Variants in CNTNAP2 observed in about 807,000 individuals in gnomAD.
CNTNAP2 encodes the protein contactin-associated protein-like 2.
Under a neutral mutation model 155.2 loss-of-function variants are expected in CNTNAP2, and 98 were observed. The observed-to-expected ratio is 0.63, with a 90% confidence interval of 0.54 to 0.75. CNTNAP2 has a LOEUF of 0.75. Ranked by LOEUF, CNTNAP2 falls within the 30% of genes least tolerant of loss-of-function variation. The pLI, the probability that CNTNAP2 is intolerant of heterozygous loss-of-function variation, is 0.00. For missense variants in CNTNAP2, 1,727 were observed against 1,688.1 expected (o/e 1.02, Z -0.40); for synonymous variants, 651 against 631.2 (o/e 1.03, Z -0.47).
intron 11 of CNTNAP2, among the ~76,000 whole-genome samples, chr7:147,512,570 G>A (rs544501949): frequency 1.3e-5 from 2 of 152,062 alleles, no homozygotes; most frequent in Non-Finnish European, 2.9e-5. Context: ...ATTGCAAAGA[G>A]ATTTTTAAAA....
chr7:146,578,653 C>T (rs1446590081), intron 1 of CNTNAP2, among the ~76,000 whole-genome samples: 1 of 151,968 alleles, frequency 6.6e-6, no homozygotes, highest in Non-Finnish European at 1.5e-5. Context: ...AAATATCTCC[C>T]AAACTTCATT....
chr7:147,045,729 G>A (rs1399470834), intron 4 of CNTNAP2, among the ~76,000 whole-genome samples: 2 of 152,078 alleles, frequency 1.3e-5, no homozygotes, highest in Non-Finnish European at 2.9e-5. Context: ...ATGACGGGAA[G>A]GCCAGAAGAA....
At chr7:147,032,739 G>A (rs1190498158) in intron 3 of CNTNAP2, among the ~76,000 whole-genome samples, 3 of 152,034 alleles carry the variant, frequency 2.0e-5, no homozygotes, top group African/African-American at 7.2e-5. Context: ...AAAAAGGAAG[G>A]AAGTTGGAGA....
intron 1 of CNTNAP2, among the ~76,000 whole-genome samples, chr7:146,615,557 T>G (rs183769418): frequency 3.9e-5 from 6 of 152,334 alleles, no homozygotes; most frequent in African/African-American, 9.6e-5. Context: ...TGTTGGTGAC[T>G]CACCCATATC....
At chr7:147,384,363 A>T (rs1010679509) in intron 9 of CNTNAP2, among the ~76,000 whole-genome samples, 4 of 152,276 alleles carry the variant, frequency 2.6e-5, no homozygotes, top group Middle Eastern at 3.4e-3. Flanking sequence ...CAGAAGAGGG[A>T]TGCTCTAAGT....
chr7:146,904,368 C>T (rs945650593), intron 3 of CNTNAP2, among the ~76,000 whole-genome samples: 4 of 152,136 alleles, frequency 2.6e-5, no homozygotes, highest in East Asian at 1.9e-4. Context: ...AATCTCGCCA[C>T]GAAATGTGGC....
At chr7:148,119,946 T>TGGATAA (rs1804565293) in intron 16 of CNTNAP2, among the ~76,000 whole-genome samples, 1 of 151,920 alleles carries the variant, frequency 6.6e-6, no homozygotes, top group Admixed American at 6.6e-5. Flanking sequence ...CCCCCTTTAC[T>TGGATAA]GAATTCTGGA....
At chr7:147,077,804 A>C (rs1548743) in intron 4 of CNTNAP2, among the ~76,000 whole-genome samples, 82,479 of 151,998 alleles carry the variant, frequency 0.54, 25,877 homozygotes, top group East Asian at 0.75. Flanking sequence ...GGATTGCATC[A>C]GGTAACTTTG....
chr7:146,636,174 A>T (rs1284812841), intron 1 of CNTNAP2, among the ~76,000 whole-genome samples: 1 of 151,508 alleles, frequency 6.6e-6, no homozygotes, highest in Non-Finnish European at 1.5e-5. Context: ...AGCGGTGCCC[A>T]CAGGAATTCT....
intron 1 of CNTNAP2, among the ~76,000 whole-genome samples, chr7:146,459,333 C>T (rs891512106): frequency 2.0e-5 from 3 of 152,140 alleles, no homozygotes; most frequent in Non-Finnish European, 2.9e-5. Context: ...ATGCTGTTAG[C>T]ACCAGTCATG....
At chr7:146,456,007 C>T (rs1796549255) in intron 1 of CNTNAP2, among the ~76,000 whole-genome samples, 1 of 151,932 alleles carries the variant, frequency 6.6e-6, no homozygotes, top group Admixed American at 6.6e-5. Context: ...GAAATCTGAG[C>T]ACATGCATAC....
chr7:146,955,739 C>T (rs1397279908), intron 3 of CNTNAP2, among the ~76,000 whole-genome samples: 7 of 151,964 alleles, frequency 4.6e-5, no homozygotes, highest in Non-Finnish European at 1.0e-4. Context: ...ATGAAAATTA[C>T]AATGATTGTA....
intron 1 of CNTNAP2, among the ~76,000 whole-genome samples, chr7:146,697,963 T>A (rs906086019): frequency 1.6e-4 from 25 of 152,204 alleles, no homozygotes; most frequent in African/African-American, 5.8e-4. Flanking sequence ...CTATTTTACC[T>A]GTTTTTAGAG....
At chr7:148,383,522 A>G (rs1329027175) in intron 21 of CNTNAP2, 127 bp from the exon 22 acceptor site, 8 of 1,373,556 alleles carry the variant, frequency 5.8e-6, no homozygotes, top group Admixed American at 1.8e-5. Context: ...TATTTCATCC[A>G]AAACAATGTA....
intron 5 of CNTNAP2, among the ~76,000 whole-genome samples, chr7:147,109,154 T>C (rs1286200345): frequency 6.6e-6 from 1 of 152,178 alleles, no homozygotes; most frequent in Non-Finnish European, 1.5e-5. Context: ...GAATTACTTG[T>C]GTAGATATGA....
intron 9 of CNTNAP2, among the ~76,000 whole-genome samples, chr7:147,360,414 T>A (rs1057282876): frequency 2.6e-5 from 4 of 152,310 alleles, no homozygotes; most frequent in African/African-American, 9.6e-5. Context: ...AAGTAAATTT[T>A]AATTCTTTCT....
At chr7:147,980,958 A>T (rs1333784650) in intron 15 of CNTNAP2, among the ~76,000 whole-genome samples, 1 of 141,692 alleles carries the variant, frequency 7.1e-6, no homozygotes, top group Non-Finnish European at 1.6e-5. Flanking sequence ...AAAAAAAAAG[A>T]ATGTTCTCAC....
At chr7:146,477,028 AAC>A (rs1337318901) in intron 1 of CNTNAP2, among the ~76,000 whole-genome samples, 1 of 152,210 alleles carries the variant, frequency 6.6e-6, no homozygotes, top group African/African-American at 2.4e-5. Context: ...GTTTTCCCCA[AAC>A]ACTTGAGTTG....
At chr7:147,774,383 T>C (rs1175174706) in intron 13 of CNTNAP2, among the ~76,000 whole-genome samples, 3 of 152,150 alleles carry the variant, frequency 2.0e-5, no homozygotes, top group African/African-American at 7.2e-5. Context: ...TGACATAGAA[T>C]GAGACAGATA....
Sources: allele counts gnomAD v4.1 joint callset (sites outside exome capture counted in the v4.1 genomes callset), GRCh38; gene constraint gnomAD v4.1.1; transcripts MANE v1.5; gene names NCBI Gene and HGNC (gene_info 2026-07-23, HGNC 2026-07-21).